The following HECTD4 variants were observed in gnomAD, a reference collection of about 807,000 sequenced individuals.
HECTD4 encodes probable E3 ubiquitin-protein ligase HECTD4.
HECTD4 carries 114 observed loss-of-function variants against 471.5 expected under a neutral mutation model. The observed-to-expected ratio is 0.24, with a 90% CI of 0.21 to 0.28. HECTD4 has a LOEUF of 0.28. Among genes scored for constraint, HECTD4 ranks in the 10% least tolerant of loss-of-function variants. The pLI, the probability that HECTD4 is intolerant of heterozygous loss-of-function variation, is 1.00. For missense variants in HECTD4, 3,866 were observed against 5,651.5 expected (o/e 0.68, Z 10.13); for synonymous variants, 2,012 against 2,256.0 (o/e 0.89, Z 3.07).
At chr12:112,169,970 C>A in intron 69 of HECTD4, 2 of 548,232 alleles carry the variant, frequency 3.6e-6, no homozygotes, top group South Asian at 2.1e-5. Flanking sequence ...CTGCGCATAT[C>A]CCCCTTCTGT....
chr12:112,171,043 C>G (rs7300743), intron 68 of HECTD4, 74 bp downstream of exon 68: 3 of 1,336,630 alleles, frequency 2.2e-6, no homozygotes, highest in East Asian at 2.5e-5. Context: ...GGACGCTGCC[C>G]GTGGATTCTG....
In HECTD4 at chr12:112,381,963, T is replaced by C; in HGVS notation, c.166A>G (p.Thr56Ala). 8.2e-7 allele frequency: 1 copy of C among 1,223,868 alleles called. No homozygotes were observed. The highest frequency in any genetic ancestry group is 1.0e-6 in the Non-Finnish European group (1 of 982,996). 75.8% of individuals were successfully genotyped at this position (1,223,868 alleles called of 1,614,324 possible). The stretch of plus-strand genomic sequence containing the variant: ...GCCGCCTCGCTCACCTCCAGGTCGG[T>C]GTCCGCGGCCTCTGGGGCCCCGAGG... The part of the protein sequence containing the change: ...EILGAPEAAD[T>A]DLEILTFETK... Residue 56 changes from threonine (T) to alanine (A), a missense_variant, in exon 1 of 76, where the codon ACC becomes GCC. Thr to Ala is a moderately conservative substitution (Grantham distance 58). Coordinates refer to ENST00000682272, the MANE Select transcript of HECTD4 (RefSeq NM_001388303.1). This position sits in a 1 kb window ranked among gnomAD's most constrained non-coding sequence, Gnocchi z 4.1.
intron 44 of HECTD4, 36 bp downstream of exon 44, chr12:112,226,607 A>G (rs775965204): frequency 5.8e-6 from 8 of 1,380,446 alleles, no homozygotes; most frequent in Non-Finnish European, 8.1e-6. Flanking sequence ...AGAAAATTCA[A>G]TAAAACAGGG....
chr12:112,343,637 G>A, intron 1 of HECTD4, among the ~76,000 whole-genome samples: 1 of 152,086 alleles, frequency 6.6e-6, no homozygotes, highest in East Asian at 1.9e-4. Flanking sequence ...TGGGCATGAT[G>A]GTACAAGCCT....
chr12:112,297,102 GTGTAGGTGCTGTGGA>G, intron 7 of HECTD4, among the ~76,000 whole-genome samples: 13 of 151,000 alleles, frequency 8.6e-5, no homozygotes, highest in African/African-American at 2.9e-4. Flanking sequence ...GGTGCAGAGG[GTGTAGGTGCTGTGGA>G]TGTAGGTGCA....
intron 1 of HECTD4, among the ~76,000 whole-genome samples, chr12:112,372,383 C>T (rs1430879539): frequency 6.6e-6 from 1 of 152,120 alleles, no homozygotes; most frequent in Non-Finnish European, 1.5e-5. Flanking sequence ...CCTCAGCCTC[C>T]CGAGTAGCTG....
intron 55 of HECTD4, among the ~76,000 whole-genome samples, chr12:112,196,202 A>G (rs1354063165): frequency 6.6e-6 from 1 of 152,214 alleles, no homozygotes; most frequent in South Asian, 2.1e-4. Context: ...TGATATTCCT[A>G]CTGACCCTAA....
At chr12:112,291,644 G>A (rs908644880) in intron 7 of HECTD4, among the ~76,000 whole-genome samples, 3 of 151,966 alleles carry the variant, frequency 2.0e-5, no homozygotes, top group Admixed American at 6.6e-5. Context: ...AGGCCGAGGC[G>A]GGCGGATCAT....
At chr12:112,315,878 G>A (rs545823500) in intron 2 of HECTD4, among the ~76,000 whole-genome samples, 13 of 142,306 alleles carry the variant, frequency 9.1e-5, no homozygotes, top group Admixed American at 2.9e-4. Context: ...CCTAGGCAAC[G>A]GAATGAGACC....
At position 112,171,270 on chromosome 12, in the gene HECTD4, G is replaced by A. The variant is rs994504349; in HGVS notation, c.11786-7C>T. The A allele has an allele frequency of 6.3e-7, 1 of 1,596,466 alleles. No individual in the cohort carries two copies. The highest frequency in any genetic ancestry group is 8.5e-7 in the Non-Finnish European group (1 of 1,172,196). ...AGGCTCTCGATGGGCACGTCTGAGG[G>A]CGCAGGAGCAGTCAGGCTGAGATCT... On this transcript the variant is annotated splice_polypyrimidine_tract_variant and splice_region_variant and intron_variant, in intron 67 of 75. Coordinates refer to ENST00000682272, the MANE Select transcript of HECTD4 (RefSeq NM_001388303.1).
At chr12:112,299,655 CAAAGT>C (rs1313303070) in intron 7 of HECTD4, among the ~76,000 whole-genome samples, 7 of 148,356 alleles carry the variant, frequency 4.7e-5, no homozygotes, top group Admixed American at 1.3e-4. Context: ...AACAAACAAA[CAAAGT>C]AAACTAAGAC....
At position 112,382,300 on chromosome 12, in the gene HECTD4, CGACCCCGGCCCGGGA is replaced by C; in HGVS notation, c.-187_-173del. On this transcript the variant is annotated 5_prime_UTR_variant, in exon 1 of 76. Transcript: ENST00000682272. ...TAGGCGGTCCGAGTCGCCATACCCC[CGACCCCGGCCCGGGA>C]GACCCCGGCCCTGCCGCCGCCGCCG... 3.8e-6 allele frequency: 2 copies of C among 525,924 alleles called. No individual in the cohort carries two copies. Among genetic ancestry groups the C allele is most frequent in the Non-Finnish European group, 2.8e-6 (1 of 352,334 alleles). 32.6% of individuals were successfully genotyped at this position (525,924 alleles called of 1,614,324 possible).
chr12:112,196,494 T>C (rs1328750296), intron 55 of HECTD4, among the ~76,000 whole-genome samples: 4 of 152,110 alleles, frequency 2.6e-5, no homozygotes, highest in Non-Finnish European at 5.9e-5. Flanking sequence ...GGCAACAAAA[T>C]TGGTAAGGAC....
chr12:112,235,273 G>A lies in HECTD4; in HGVS notation c.5726-7C>T. 1 of 1,601,702 alleles carries A rather than the reference G, an allele frequency of 6.2e-7. No individual in the cohort carries two copies. The highest frequency in any genetic ancestry group is 1.1e-5 in the South Asian group (1 of 89,100). ...GAAAGAACTGTCTGACATCCTTTAAGCAAAAAACAAAGCTCATTCAGGAAA... is the reference window on the plus strand; with the variant it reads ...GAAAGAACTGTCTGACATCCTTTAAACAAAAAACAAAGCTCATTCAGGAAA... On this transcript the variant is annotated splice_region_variant and splice_polypyrimidine_tract_variant and intron_variant, in intron 36 of 75. Coordinates refer to ENST00000682272, the MANE Select transcript of HECTD4 (RefSeq NM_001388303.1). The surrounding 1 kb of genome is among the most constrained non-coding windows in gnomAD (Gnocchi z 5.0).
intron 1 of HECTD4, among the ~76,000 whole-genome samples, chr12:112,347,370 G>T (rs552249733): frequency 6.6e-6 from 1 of 152,044 alleles, no homozygotes; most frequent in Admixed American, 6.6e-5. Flanking sequence ...TTAGCCGGGT[G>T]TGATGGAGCA....
intron 1 of HECTD4, among the ~76,000 whole-genome samples, chr12:112,329,370 G>GTTTTTTTT (rs72342162): frequency 2.3e-5 from 3 of 131,084 alleles, no homozygotes; most frequent in Non-Finnish European, 1.6e-5. Context: ...TGGGTTTTTT[G>GTTTTTTTT]TTTTTTTTTT....
In HECTD4 at chr12:112,370,348, A is replaced by C. The variant is rs565442029; in HGVS notation, c.177+11604T>G. 1.2e-4 allele frequency among the ~76,000 whole-genome samples: 18 copies of C among 152,344 alleles called. 1 individual carries two copies. The highest frequency in any genetic ancestry group is 7.2e-4 in the Admixed American group (11 of 15,300). Reference sequence around the variant, plus strand: ...CTTCCAAAAATGTGAGAATAAATCCATGTTGCCTTAAGCCACGAAATTTGT... The same window carrying C: ...CTTCCAAAAATGTGAGAATAAATCCCTGTTGCCTTAAGCCACGAAATTTGT... On this transcript the variant is annotated intron_variant, in intron 1 of 75. Transcript: ENST00000682272.
At chr12:112,354,081 G>T (rs563228084) in intron 1 of HECTD4, among the ~76,000 whole-genome samples, 2 of 151,762 alleles carry the variant, frequency 1.3e-5, no homozygotes, top group Admixed American at 1.3e-4. Context: ...TTTTTATTTT[G>T]ATTTTTTTTG....
At chr12:112,203,373 A>G (rs997053054) in intron 54 of HECTD4, 1 of 333,098 alleles carries the variant, frequency 3.0e-6, no homozygotes, top group Admixed American at 4.7e-5. Context: ...TCGGACAGAA[A>G]ATAATGGTAG....
Sources: allele counts gnomAD v4.1 joint callset (sites outside exome capture counted in the v4.1 genomes callset), GRCh38; gene constraint gnomAD v4.1.1; non-coding constraint Gnocchi (gnomAD v3.1); transcripts MANE v1.5; gene names NCBI Gene and HGNC (gene_info 2026-07-23, HGNC 2026-07-21).